DCUN1D4: variants seen among roughly 807,000 people sequenced by gnomAD.
DCUN1D4 encodes the protein DCN1-like protein 4.
A neutral mutation model predicts 47.9 loss-of-function variants in DCUN1D4; 22 were observed. The observed-to-expected ratio is 0.46, with a 90% confidence interval of 0.33 to 0.66. The LOEUF (loss-of-function observed/expected upper bound fraction) is 0.66, where lower values mean the gene tolerates loss of function less well. Among genes scored for constraint, DCUN1D4 ranks in the 30% least tolerant of loss-of-function variants. The probability of loss-of-function intolerance (pLI) is 0.02; values close to 1 mark genes in which losing one functional copy is unlikely to be tolerated. For missense variants in DCUN1D4, 301 were observed against 340.8 expected (o/e 0.88, Z 0.92); for synonymous variants, 121 against 112.2 (o/e 1.08, Z -0.50).
At chr4:51,873,383 A>G (rs572081523) in intron 3 of DCUN1D4, among the ~76,000 whole-genome samples, 1 of 152,222 alleles carries the variant, frequency 6.6e-6, no homozygotes, top group Non-Finnish European at 1.5e-5. Flanking sequence ...ACTTGTACCA[A>G]GGTGGGGTAT....
intron 7 of DCUN1D4, among the ~76,000 whole-genome samples, chr4:51,898,091 A>G (rs1731539786): frequency 6.6e-6 from 1 of 152,202 alleles, no homozygotes; most frequent in Non-Finnish European, 1.5e-5. Context: ...TTTAGAGATC[A>G]TTCCAACCTG....
chr4:51,841,221 G>C (rs146871486), upstream of DCUN1D4, among the ~76,000 whole-genome samples: 1 of 151,962 alleles, frequency 6.6e-6, no homozygotes. Context: ...CTCAGTCTTT[G>C]AAGTACCATG....
At chr4:51,870,046 G>A (rs183251331) in intron 3 of DCUN1D4, among the ~76,000 whole-genome samples, 5 of 152,246 alleles carry the variant, frequency 3.3e-5, no homozygotes, top group Admixed American at 1.3e-4. Flanking sequence ...ATTGATTTCC[G>A]ATTCACTAAA....
intron 8 of DCUN1D4, among the ~76,000 whole-genome samples, chr4:51,904,335 A>C (rs140686057): frequency 8.1e-4 from 123 of 151,962 alleles, no homozygotes; most frequent in African/African-American, 2.8e-3. Context: ...AACCCTGGGG[A>C]CTTCTGCTCA....
Position 51,913,511 on chromosome 4 carries a change from TTCTC to T in DCUN1D4, c.824-14_824-11del. 6.2e-7 allele frequency: 1 copy of T among 1,608,348 alleles called. No homozygotes were observed. The highest frequency in any genetic ancestry group is 2.2e-5 in the East Asian group (1 of 44,766). Reference sequence around the variant, plus strand: ...TTATTATTATTATTATTACTACTGTTTCTCTCTTTCTCTCCAGGGCCAGTTTTGT... The same window carrying T: ...TTATTATTATTATTATTACTACTGTTTCTTTCTCTCCAGGGCCAGTTTTGT... On this transcript the variant is annotated splice_polypyrimidine_tract_variant and intron_variant, in intron 10 of 10. Transcript: ENST00000334635.
At chr4:51,892,754 A>G (rs568810064) in intron 7 of DCUN1D4, among the ~76,000 whole-genome samples, 27 of 152,366 alleles carry the variant, frequency 1.8e-4, no homozygotes, top group Admixed American at 1.4e-3. Context: ...CTTGAAAGAT[A>G]CAGTTGAAGT....
chr4:51,887,355 C>G (rs879485846), intron 6 of DCUN1D4: 7 of 238,834 alleles, frequency 2.9e-5, no homozygotes, highest in Non-Finnish European at 5.0e-5. Flanking sequence ...CCGGCTCAGC[C>G]TCCCAAAGTG....
chr4:51,891,659 G>T, intron 6 of DCUN1D4, 101 bp from the exon 7 acceptor site: 1 of 874,276 alleles, frequency 1.1e-6, no homozygotes, highest in Non-Finnish European at 1.7e-6. Flanking sequence ...GTGAACAGAA[G>T]CATTTAGCAA....
rs188584914 is a variant in DCUN1D4, at chr4:51,846,948, T to C, written c.25+3681T>C. 5.9e-5 allele frequency among the ~76,000 whole-genome samples: 9 copies of C among 152,314 alleles called. No individual in the cohort carries two copies. The East Asian group carries it at 1.2e-3, about 20-fold the overall frequency. On this transcript the variant is annotated intron_variant, in intron 1 of 10. Coordinates refer to ENST00000334635, the MANE Select transcript of DCUN1D4 (RefSeq NM_001040402.3). ...GCAGGGAAGGAAGGTGCATATTTCCTTATAACTCCCTGTTAACAGAGAAGT... is the reference window on the plus strand; with the variant it reads ...GCAGGGAAGGAAGGTGCATATTTCCCTATAACTCCCTGTTAACAGAGAAGT...
chr4:51,913,669 A>T lies in DCUN1D4; in HGVS notation c.*85A>T. On this transcript the variant is annotated 3_prime_UTR_variant, in exon 11 of 11. Coordinates refer to ENST00000334635, the MANE Select transcript of DCUN1D4 (RefSeq NM_001040402.3). ...TAAATTGCTGTTTGTATCAAAGCGC[A>T]TGCTGCTTCTCTTGCACTGTTTCCC... is the stretch of plus-strand genomic sequence containing the variant. 2 of 1,236,826 alleles carry T rather than the reference A, an allele frequency of 1.6e-6. No homozygotes were observed. Among genetic ancestry groups the T allele is most frequent in the Non-Finnish European group, 2.4e-6 (2 of 846,732 alleles). The allele number at this position is 1,236,826 out of a possible 1,614,324, so 76.6% of individuals were successfully genotyped here. A position where few individuals can be genotyped will look rare whatever the true frequency, so the allele number is the denominator to read the frequency against.
rs1456127628 is a variant in DCUN1D4 at position 51,916,612 on chromosome 4, T to C, written c.*3028T>C. The C allele has an allele frequency of 2.0e-5, 3 of 152,532 alleles. No individual in the cohort carries two copies. The highest frequency in any genetic ancestry group is 7.2e-5 in the African/African-American group (3 of 41,438). 9.4% of individuals were successfully genotyped at this position (152,532 alleles called of 1,614,324 possible). On this transcript the variant is annotated 3_prime_UTR_variant, in exon 11 of 11. Coordinates refer to ENST00000334635, the MANE Select transcript of DCUN1D4 (RefSeq NM_001040402.3). ...TGCTTTTTTCATAAAATAATTTCTA[T>C]TGGGGGTTACTGTTCAATGACAGCA...
chr4:51,843,474 G>T (rs1346689141), intron 1 of DCUN1D4: 7 of 1,254,690 alleles, frequency 5.6e-6, no homozygotes, highest in South Asian at 4.6e-5. Flanking sequence ...GGAAGGGACC[G>T]GCCTGCGGGG....
At chr4:51,905,157 C>T in intron 8 of DCUN1D4, 1 of 450,250 alleles carries the variant, frequency 2.2e-6, no homozygotes, top group Non-Finnish European at 4.5e-6. Flanking sequence ...TATTTTTCTC[C>T]TAATTTGTCT....
chr4:51,847,704 C>A (rs771262548), intron 1 of DCUN1D4, among the ~76,000 whole-genome samples: 1 of 151,902 alleles, frequency 6.6e-6, no homozygotes, highest in Non-Finnish European at 1.5e-5. Context: ...GTCCTTCCAC[C>A]TCAGTCTCTG....
chr4:51,842,951 C>T, upstream of DCUN1D4: 1 of 905,662 alleles, frequency 1.1e-6, no homozygotes, highest in Non-Finnish European at 1.5e-6. Flanking sequence ...AGCATGGCCT[C>T]CGCCAGGGGC....
chr4:51,849,612 C>T (rs1409422715), intron 1 of DCUN1D4, among the ~76,000 whole-genome samples: 2 of 152,042 alleles, frequency 1.3e-5, no homozygotes, highest in Non-Finnish European at 1.5e-5. Flanking sequence ...AGGACACAGT[C>T]GATATCAGCT....
upstream of DCUN1D4, among the ~76,000 whole-genome samples, chr4:51,841,475 G>C (rs556368141): frequency 1.3e-5 from 2 of 152,278 alleles, no homozygotes; most frequent in Non-Finnish European, 2.9e-5. Context: ...GGGCCCCGCT[G>C]AGGTACTGTC....
At chr4:51,884,653 A>G (rs780362069) in intron 5 of DCUN1D4, among the ~76,000 whole-genome samples, 1 of 152,160 alleles carries the variant, frequency 6.6e-6, no homozygotes, top group Non-Finnish European at 1.5e-5. Flanking sequence ...GAATAAAGGA[A>G]CTCTTGCTCT....
intron 7 of DCUN1D4, among the ~76,000 whole-genome samples, chr4:51,896,590 A>G (rs1731304039): frequency 1.3e-5 from 2 of 151,990 alleles, no homozygotes; most frequent in African/African-American, 4.8e-5. Context: ...TTATATACAC[A>G]CCATTAAAAA....
Sources: gnomAD v4.1 joint callset for allele counts (sites outside exome capture counted in the v4.1 genomes callset) on GRCh38, gnomAD v4.1.1 for gene constraint, MANE v1.5 for transcripts, NCBI Gene and HGNC (gene_info 2026-07-23, HGNC 2026-07-21) for gene names.